Variants in RGS6 observed in about 807,000 individuals in gnomAD.
RGS6 encodes regulator of G protein signaling 6, also known as regulator of G-protein signaling 6.
In RGS6, 30 loss-of-function variants were observed where a neutral mutation model predicts 78.5. The ratio of observed to expected loss-of-function variants is 0.38; its 90% confidence interval spans 0.29 to 0.52. The LOEUF is 0.52. RGS6 is among the 20% of genes least tolerant of loss of function. RGS6 has a pLI of 0.85. For synonymous variants in RGS6, 206 were observed against 206.0 expected, an observed-to-expected ratio of 1.00 and a Z score of 0.00; for missense variants, 495 against 609.7, an observed-to-expected ratio of 0.81 and a Z score of 1.98.
At chr14:71,948,628 A>G (rs957608624) in intron 1 of RGS6, among the ~76,000 whole-genome samples, 36 of 152,262 alleles carry the variant, frequency 2.4e-4, no homozygotes, top group Non-Finnish European at 5.3e-4. Context: ...TGAGATCAAG[A>G]AAGAGAATAT....
downstream of RGS6, among the ~76,000 whole-genome samples, chr14:72,569,441 AGGCCGAGGTG>A: frequency 6.6e-6 from 1 of 152,222 alleles, no homozygotes; most frequent in South Asian, 2.1e-4. Context: ...GCACTTTGGG[AGGCCGAGGTG>A]GGCGGGTCAC....
intron 2 of RGS6, among the ~76,000 whole-genome samples, chr14:72,073,411 C>T (rs1465839496): frequency 6.6e-6 from 1 of 152,168 alleles, no homozygotes; most frequent in Non-Finnish European, 1.5e-5. Context: ...ATATTAAACA[C>T]TGAGAGAAAT....
chr14:72,259,961 A>T (rs1313790341), intron 2 of RGS6, among the ~76,000 whole-genome samples: 1 of 151,600 alleles, frequency 6.6e-6, no homozygotes, highest in African/African-American at 2.4e-5. Flanking sequence ...CAAATAGCTA[A>T]TTAAAACAAC....
chr14:72,470,149 G>C (rs2096033814), intron 8 of RGS6, 66 bp downstream of exon 8: 2 of 1,233,332 alleles, frequency 1.6e-6, no homozygotes, highest in East Asian at 4.6e-5. Context: ...ATGGTGTGAA[G>C]GTGGGATTGT....
intron 3 of RGS6, among the ~76,000 whole-genome samples, chr14:72,380,412 T>C (rs1330468156): frequency 6.6e-6 from 1 of 151,862 alleles, no homozygotes; most frequent in Non-Finnish European, 1.5e-5. Context: ...TTCAAACTTT[T>C]CATCTGACAG....
At chr14:71,920,635 G>GCACACACACACACACA in the RGS6 span, among the ~76,000 whole-genome samples, 1 of 151,828 alleles carries the variant, frequency 6.6e-6, no homozygotes, top group African/African-American at 2.4e-5. Flanking sequence ...ACACGCGCGT[G>GCACACACACACACACA]CACACACACA....
At chr14:72,601,258 A>G in the RGS6 span, among the ~76,000 whole-genome samples, 3 of 152,056 alleles carry the variant, frequency 2.0e-5, no homozygotes, top group Non-Finnish European at 2.9e-5. Context: ...CCAGCCTCCC[A>G]CCATCATAGC....
intron 2 of RGS6, among the ~76,000 whole-genome samples, chr14:72,153,612 T>G (rs2096726082): frequency 6.6e-6 from 1 of 152,216 alleles, no homozygotes; most frequent in African/African-American, 2.4e-5. Flanking sequence ...AGAGGAATTT[T>G]ACACCTGGGC....
chr14:72,327,476 G>A lies in RGS6; in HGVS notation c.85-24619G>A, dbSNP rs539379173. On this transcript the variant is annotated intron_variant, in intron 2 of 17. Coordinates refer to ENST00000553525, the MANE Select transcript of RGS6 (RefSeq NM_001204424.2). ...ATAAGGTGCATTATTGTGCTTTGCTGTGTTTTTAATTTTCTTGTCATACCT... is the reference window on the plus strand; with the variant it reads ...ATAAGGTGCATTATTGTGCTTTGCTATGTTTTTAATTTTCTTGTCATACCT... Among the ~76,000 whole-genome samples, 11 of 152,316 alleles carry A rather than the reference G, an allele frequency of 7.2e-5. No homozygotes were observed. In the South Asian group the frequency reaches 1.7e-3, roughly 23 times the overall value.
chr14:72,378,561 G>A (rs1407393552), intron 3 of RGS6, among the ~76,000 whole-genome samples: 1 of 151,944 alleles, frequency 6.6e-6, no homozygotes, highest in Non-Finnish European at 1.5e-5. Flanking sequence ...AGACTATAAT[G>A]AACAACTCCA....
At chr14:72,060,306 T>C (rs2093827380) in intron 2 of RGS6, among the ~76,000 whole-genome samples, 1 of 152,064 alleles carries the variant, frequency 6.6e-6, no homozygotes, top group African/African-American at 2.4e-5. Context: ...TCATTTACTC[T>C]TCATTTACAT....
At chr14:72,489,208 T>G (rs983162325) in intron 12 of RGS6, among the ~76,000 whole-genome samples, 1 of 146,534 alleles carries the variant, frequency 6.8e-6, no homozygotes, top group Non-Finnish European at 1.5e-5. Flanking sequence ...CCATGGATGC[T>G]GAAATGCCTC....
chr14:71,940,656 C>T, intron 1 of RGS6, among the ~76,000 whole-genome samples: 1 of 134,760 alleles, frequency 7.4e-6, no homozygotes, highest in South Asian at 2.2e-4. Context: ...TGACCCCTGC[C>T]ACCTGGTCCC....
chr14:72,415,101 C>T (rs929491627), intron 3 of RGS6, among the ~76,000 whole-genome samples: 1 of 152,374 alleles, frequency 6.6e-6, no homozygotes, highest in Middle Eastern at 3.4e-3. Context: ...GCAGAGGTTA[C>T]TGCTGCCTTT....
chr14:72,195,796 A>G (rs1231947576), intron 2 of RGS6, among the ~76,000 whole-genome samples: 1 of 152,340 alleles, frequency 6.6e-6, no homozygotes, highest in Middle Eastern at 3.4e-3. Context: ...TGCCCACGGA[A>G]ACACCAGGGC....
intron 2 of RGS6, among the ~76,000 whole-genome samples, chr14:72,031,895 T>A (rs1448496025): frequency 6.6e-6 from 1 of 152,218 alleles, no homozygotes; most frequent in Non-Finnish European, 1.5e-5. Flanking sequence ...TGCCATAGTT[T>A]ACAGAGTTAG....
chr14:72,241,918 T>C (rs2153825965), intron 2 of RGS6, among the ~76,000 whole-genome samples: 1 of 152,342 alleles, frequency 6.6e-6, no homozygotes, highest in Non-Finnish European at 1.5e-5. Context: ...CTAATACAAT[T>C]ATAATAATAT....
chr14:72,340,049 C>A (rs2076705665), intron 2 of RGS6, among the ~76,000 whole-genome samples: 1 of 152,134 alleles, frequency 6.6e-6, no homozygotes, highest in African/African-American at 2.4e-5. Flanking sequence ...AAGGGCCCTG[C>A]CTTTCCAGTT....
chr14:72,187,113 A>G (rs561075139), intron 2 of RGS6, among the ~76,000 whole-genome samples: 3 of 152,352 alleles, frequency 2.0e-5, no homozygotes, highest in South Asian at 4.1e-4. Context: ...ATGTAAAGCC[A>G]TTATTGTTGG....
Sources: gnomAD v4.1 joint callset for allele counts (sites outside exome capture counted in the v4.1 genomes callset) on GRCh38, gnomAD v4.1.1 for gene constraint, MANE v1.5 for transcripts, NCBI Gene and HGNC (gene_info 2026-07-23, HGNC 2026-07-21) for gene names.